The following OSBPL1A variants were observed in gnomAD, a reference collection of about 807,000 sequenced individuals.
OSBPL1A encodes oxysterol binding protein like 1A, also known as oxysterol-binding protein-related protein 1.
In OSBPL1A, 80 loss-of-function variants were observed where a neutral mutation model predicts 137.1. The observed-to-expected ratio is 0.58, with a 90% confidence interval of 0.49 to 0.70. The LOEUF is 0.70. OSBPL1A is among the 30% of genes least tolerant of loss of function. The probability of loss-of-function intolerance (pLI) is 0.00; values close to 1 mark genes in which losing one functional copy is unlikely to be tolerated. For synonymous variants in OSBPL1A, 365 were observed against 389.7 expected (o/e 0.94, Z 0.75); for missense variants, 970 against 1,129.4 (o/e 0.86, Z 2.02).
chr18:24,366,954 C>T lies in OSBPL1A; in HGVS notation c.220G>A (p.Val74Met), dbSNP rs2091711577. 3 of 1,611,592 alleles carry T rather than the reference C, an allele frequency of 1.9e-6. No individual in the cohort carries two copies. The highest frequency in any genetic ancestry group is 1.7e-6 in the Non-Finnish European group (2 of 1,178,862). ...TCTCCCATGTCATTCAACACATTCA[C>T]TTCTGCACCAGCCTAGTAAACATGA... ...VQDLLKAGAE[V>M]NVLNDMGDTP... Residue 74 changes from valine (V) to methionine (M), a missense_variant, in exon 4 of 28, where the codon GTG (valine) becomes ATG (methionine). Transcript: ENST00000319481.
At chr18:24,279,111 A>T (rs34860932) in intron 15 of OSBPL1A, among the ~76,000 whole-genome samples, 1 of 152,280 alleles carries the variant, frequency 6.6e-6, no homozygotes, top group South Asian at 2.1e-4. Context: ...TATAGCAAAC[A>T]CAGCATTTAA....
chr18:24,250,028 G>A (rs574999542), intron 15 of OSBPL1A, among the ~76,000 whole-genome samples: 8 of 152,264 alleles, frequency 5.3e-5, no homozygotes, highest in Admixed American at 3.3e-4. Context: ...AGAAGAGGGC[G>A]AAGAGTAGAG....
At chr18:24,290,358 G>A (rs1478450146) in intron 14 of OSBPL1A, among the ~76,000 whole-genome samples, 2 of 152,218 alleles carry the variant, frequency 1.3e-5, no homozygotes, top group East Asian at 3.9e-4. Flanking sequence ...AGAGGTGGGT[G>A]TCAGACAGAA....
chr18:24,331,521 C>T (rs965677392), intron 7 of OSBPL1A, among the ~76,000 whole-genome samples: 4 of 151,460 alleles, frequency 2.6e-5, no homozygotes, highest in African/African-American at 4.9e-5. Context: ...CTCAGCCTCC[C>T]GAGTAGCTGG....
intron 7 of OSBPL1A, among the ~76,000 whole-genome samples, chr18:24,327,415 T>C (rs561722296): frequency 8.5e-5 from 13 of 152,136 alleles, no homozygotes; most frequent in African/African-American, 2.7e-4. Flanking sequence ...GATTGATTGA[T>C]TTTTTACTTT....
intron 24 of OSBPL1A, among the ~76,000 whole-genome samples, chr18:24,167,876 G>A (rs2086182797): frequency 6.6e-6 from 1 of 152,160 alleles, no homozygotes; most frequent in Admixed American, 6.5e-5. Context: ...TGAGGGCAGG[G>A]ACACTGTGAC....
chr18:24,222,456 C>G (rs2087923170), intron 17 of OSBPL1A, among the ~76,000 whole-genome samples: 1 of 152,052 alleles, frequency 6.6e-6, no homozygotes, highest in Non-Finnish European at 1.5e-5. Flanking sequence ...AAGATTAGAG[C>G]TCAAAATAAA....
At chr18:24,207,285 T>C (rs571244261) in intron 17 of OSBPL1A, among the ~76,000 whole-genome samples, 37 of 152,304 alleles carry the variant, frequency 2.4e-4, no homozygotes, top group African/African-American at 8.2e-4. Flanking sequence ...GGTTTCACCA[T>C]ATTGGCCAGG....
intron 25 of OSBPL1A, 78 bp downstream of exon 25, chr18:24,167,251 G>T: frequency 2.2e-6 from 3 of 1,348,432 alleles, no homozygotes; most frequent in South Asian, 2.4e-5. Flanking sequence ...TGCCTGGGCC[G>T]ACCCTACACG....
At chr18:24,168,785 G>A (rs1282837716) in intron 24 of OSBPL1A, among the ~76,000 whole-genome samples, 2 of 152,210 alleles carry the variant, frequency 1.3e-5, no homozygotes, top group African/African-American at 4.8e-5. Flanking sequence ...AGGAATGAGA[G>A]AGACCAGAAA....
Position 24,196,166 on chromosome 18 carries a change from C to A in OSBPL1A, c.1636G>T (p.Asp546Tyr). 2 of 1,611,404 alleles carry A rather than the reference C, an allele frequency of 1.2e-6. No homozygotes were observed. Among genetic ancestry groups the A allele is most frequent in the South Asian group, 2.2e-5 (2 of 91,004 alleles). Residue 546 changes from aspartate (D) to tyrosine (Y), a missense_variant, in exon 18 of 28, where the codon GAC becomes TAC. Physicochemically the swap from Asp to Tyr is radical, Grantham distance 160. Coordinates refer to ENST00000319481, the MANE Select transcript of OSBPL1A (RefSeq NM_080597.4). The stretch of plus-strand genomic sequence containing the variant: ...CTGAGGATGCTCCAGATACTGAAGT[C>A]ATTTCTGGAAAACATAGGAGAAGGC... ...SLPSPMFSRN[D>Y]FSIWSILRKC... is the part of the protein sequence containing the mutation.
At chr18:24,217,405 C>T (rs2087742038) in intron 17 of OSBPL1A, among the ~76,000 whole-genome samples, 1 of 151,822 alleles carries the variant, frequency 6.6e-6, no homozygotes, top group African/African-American at 2.4e-5. Flanking sequence ...TTACAGGCAC[C>T]CGCCACCACG....
chr18:24,172,089 C>T (rs890830350), intron 22 of OSBPL1A, among the ~76,000 whole-genome samples: 5 of 151,936 alleles, frequency 3.3e-5, no homozygotes, highest in South Asian at 2.1e-4. Flanking sequence ...TACAGGCACC[C>T]GCCACCGTGC....
intron 5 of OSBPL1A, among the ~76,000 whole-genome samples, chr18:24,341,203 C>T (rs1440757603): frequency 2.6e-5 from 4 of 152,090 alleles, no homozygotes; most frequent in Admixed American, 6.6e-5. Flanking sequence ...ACAGGGGTTT[C>T]GCCATGTTGC....
At chr18:24,364,444 C>A (rs1014556034) in intron 4 of OSBPL1A, among the ~76,000 whole-genome samples, 6 of 152,154 alleles carry the variant, frequency 3.9e-5, no homozygotes, top group Non-Finnish European at 8.8e-5. Context: ...TACACAGATG[C>A]AGGCATGAAT....
At chr18:24,212,234 A>G (rs966905332) in intron 17 of OSBPL1A, among the ~76,000 whole-genome samples, 1 of 145,708 alleles carries the variant, frequency 6.9e-6, no homozygotes, top group African/African-American at 2.5e-5. Flanking sequence ...CACCTGGCTA[A>G]TTTTTTTTTT....
intron 1 of OSBPL1A, among the ~76,000 whole-genome samples, chr18:24,385,778 T>C (rs76596906): frequency 1.3e-5 from 2 of 152,216 alleles, no homozygotes; most frequent in East Asian, 3.9e-4. Context: ...GAATGGGGGA[T>C]AAAAAGGAGA....
At chr18:24,268,305 A>G (rs1052374573) in intron 15 of OSBPL1A, among the ~76,000 whole-genome samples, 1 of 151,828 alleles carries the variant, frequency 6.6e-6, no homozygotes, top group Non-Finnish European at 1.5e-5. Context: ...TTTTTGGGAG[A>G]GACAGGGTTT....
chr18:24,192,324 C>T (rs1175133814), intron 18 of OSBPL1A, among the ~76,000 whole-genome samples: 1 of 152,034 alleles, frequency 6.6e-6, no homozygotes, highest in East Asian at 1.9e-4. Flanking sequence ...GGACATGAGG[C>T]TTTCGGATTA....
Sources: gnomAD v4.1 joint callset for allele counts (sites outside exome capture counted in the v4.1 genomes callset) on GRCh38, gnomAD v4.1.1 for gene constraint, MANE v1.5 for transcripts, NCBI Gene and HGNC (gene_info 2026-07-23, HGNC 2026-07-21) for gene names.